Variants in RIGI observed in about 807,000 individuals in gnomAD.
RIGI encodes the protein RNA sensor RIG-I.
chr9:32,457,192 G>T, the RIGI span: 5 of 1,613,094 alleles, frequency 3.1e-6, no homozygotes, highest in Non-Finnish European at 4.2e-6. Context: ...CGAGTACAGT[G>T]TCTGAACTCC....
At chr9:32,485,332 G>A in the RIGI span, 4 of 1,279,822 alleles carry the variant, frequency 3.1e-6, no homozygotes, top group South Asian at 5.1e-5. Context: ...TATATTTTCA[G>A]GAAGGACAGA....
the RIGI span, among the ~76,000 whole-genome samples, chr9:32,484,437 C>T: frequency 6.6e-6 from 1 of 152,132 alleles, no homozygotes; most frequent in Non-Finnish European, 1.5e-5. Context: ...AACTCAAAAC[C>T]TTGTACCTGC....
chr9:32,463,559 TAA>T, the RIGI span, among the ~76,000 whole-genome samples: 1 of 152,218 alleles, frequency 6.6e-6, no homozygotes, highest in African/African-American at 2.4e-5. Context: ...TCAAATATTT[TAA>T]GTGTTACTCT....
chr9:32,480,751 A>G, the RIGI span, among the ~76,000 whole-genome samples: 1 of 152,254 alleles, frequency 6.6e-6, no homozygotes, highest in Non-Finnish European at 1.5e-5. Flanking sequence ...TTGTCAGTGT[A>G]CCTTCCAAAA....
the RIGI span, chr9:32,457,559 G>GGA: frequency 1.2e-5 from 7 of 607,162 alleles, no homozygotes; most frequent in Non-Finnish European, 1.5e-5. Context: ...ACAATTGGAG[G>GGA]AAAAAAAAAA....
the RIGI span, among the ~76,000 whole-genome samples, chr9:32,502,463 A>G: frequency 6.6e-6 from 1 of 152,238 alleles, no homozygotes; most frequent in Non-Finnish European, 1.5e-5. Context: ...ACCATCTTAC[A>G]TTCCCACCAG....
chr9:32,466,284 A>G, the RIGI span: 4 of 1,613,262 alleles, frequency 2.5e-6, no homozygotes, highest in Non-Finnish European at 3.4e-6. Context: ...AATAACGTAG[A>G]CTTACCTTTT....
At chr9:32,504,752 T>A in the RIGI span, among the ~76,000 whole-genome samples, 5 of 136,156 alleles carry the variant, frequency 3.7e-5, no homozygotes, top group African/African-American at 1.2e-4. Flanking sequence ...ATACATAAAA[T>A]ATATAAAATA....
the RIGI span, among the ~76,000 whole-genome samples, chr9:32,465,772 G>GATA: frequency 6.6e-6 from 1 of 151,952 alleles, no homozygotes; most frequent in Non-Finnish European, 1.5e-5. Flanking sequence ...GAGAAAGTAT[G>GATA]GGTATGTGTT....
the RIGI span, among the ~76,000 whole-genome samples, chr9:32,498,986 A>C: frequency 1.8e-5 from 1 of 56,798 alleles, no homozygotes; most frequent in Non-Finnish European, 5.1e-5. Context: ...CTGTCTCAAA[A>C]AAAAAAAAAA....
the RIGI span, among the ~76,000 whole-genome samples, chr9:32,483,720 C>A: frequency 0.34 from 51,442 of 151,336 alleles, 9,544 homozygotes; most frequent in South Asian, 0.48. Flanking sequence ...AAAATCCTGC[C>A]CCAGCTCACA....
the RIGI span, among the ~76,000 whole-genome samples, chr9:32,524,596 G>GTTTCTTTT: frequency 1.5e-5 from 1 of 67,580 alleles, no homozygotes; most frequent in Non-Finnish European, 2.8e-5. Context: ...TTGTTTTTCG[G>GTTTCTTTT]TTTTTTTTTT....
chr9:32,467,666 C>T, the RIGI span: 1 of 1,290,256 alleles, frequency 7.8e-7, no homozygotes. Flanking sequence ...ACATACTCAA[C>T]CATGGCTCAG....
the RIGI span, among the ~76,000 whole-genome samples, chr9:32,507,331 A>G: frequency 6.6e-6 from 1 of 152,170 alleles, no homozygotes; most frequent in African/African-American, 2.4e-5. Flanking sequence ...ATTGGAGGAG[A>G]AGGATATATT....
the RIGI span, among the ~76,000 whole-genome samples, chr9:32,517,249 C>G: frequency 6.6e-6 from 1 of 152,136 alleles, no homozygotes; most frequent in Middle Eastern, 3.2e-3. Flanking sequence ...GGTTCACAGC[C>G]TTCATTGGAT....
the RIGI span, among the ~76,000 whole-genome samples, chr9:32,479,679 A>G: frequency 6.6e-6 from 1 of 151,994 alleles, no homozygotes; most frequent in South Asian, 2.1e-4. Flanking sequence ...TCTACTAAAA[A>G]TACAAAAATT....
chr9:32,519,515 A>G, the RIGI span, among the ~76,000 whole-genome samples: 1 of 152,206 alleles, frequency 6.6e-6, no homozygotes, highest in East Asian at 1.9e-4. Context: ...TATTCTTCTA[A>G]GTTCTGAACA....
At chr9:32,459,378 A>G in the RIGI span, 1 of 1,612,102 alleles carries the variant, frequency 6.2e-7, no homozygotes, top group Non-Finnish European at 8.5e-7. Flanking sequence ...TACCTCTATC[A>G]CTCTTACGTC....
At chr9:32,492,302 G>A in the RIGI span, 1 of 1,438,296 alleles carries the variant, frequency 7.0e-7, no homozygotes, top group Non-Finnish European at 9.5e-7. Context: ...CTGGCTATCT[G>A]AGGGGAAAAA....
Sources: allele counts gnomAD v4.1 joint callset (sites outside exome capture counted in the v4.1 genomes callset), GRCh38; gene constraint gnomAD v4.1.1; transcripts MANE v1.5; gene names NCBI Gene and HGNC (gene_info 2026-07-23, HGNC 2026-07-21).